PELI2: variants seen among roughly 807,000 people sequenced by gnomAD.
PELI2 encodes pellino E3 ubiquitin protein ligase family member 2.
In PELI2, 23 loss-of-function variants were observed where a neutral mutation model predicts 42.3. The observed-to-expected ratio is 0.54, with a 90% CI of 0.39 to 0.77. The LOEUF (loss-of-function observed/expected upper bound fraction) is 0.77, where lower values mean the gene tolerates loss of function less well. Among genes scored for constraint, PELI2 ranks in the 30% least tolerant of loss-of-function variants. PELI2 has a pLI of 0.00. For synonymous variants in PELI2, 245 were observed against 212.2 expected (o/e 1.15, Z -1.34); for missense variants, 463 against 553.2 (o/e 0.84, Z 1.64).
intron 2 of PELI2, among the ~76,000 whole-genome samples, chr14:56,181,241 A>G (rs1032386465): frequency 3.3e-4 from 50 of 151,636 alleles, no homozygotes; most frequent in African/African-American, 1.0e-3. Flanking sequence ...TGGCCTCTCC[A>G]GGTATATCTT....
intron 2 of PELI2, among the ~76,000 whole-genome samples, chr14:56,228,331 T>G (rs1001148757): frequency 6.6e-6 from 1 of 152,318 alleles, no homozygotes; most frequent in South Asian, 2.1e-4. Flanking sequence ...GGAACCTATA[T>G]GTAGATCCAT....
chr14:56,123,984 G>C (rs1396105479), intron 1 of PELI2, among the ~76,000 whole-genome samples: 1 of 152,018 alleles, frequency 6.6e-6, no homozygotes, highest in African/African-American at 2.4e-5. Context: ...CATTGGTATG[G>C]GAGAAAAATA....
intron 2 of PELI2, among the ~76,000 whole-genome samples, chr14:56,207,080 A>G (rs1886544106): frequency 6.6e-6 from 1 of 152,204 alleles, no homozygotes; most frequent in Non-Finnish European, 1.5e-5. Flanking sequence ...ACCACCCCAG[A>G]GCAGAGTGAA....
chr14:56,232,850 T>C (rs1887638271), intron 2 of PELI2, among the ~76,000 whole-genome samples: 4 of 151,590 alleles, frequency 2.6e-5, no homozygotes, highest in Non-Finnish European at 5.9e-5. Flanking sequence ...GATTGTCTAT[T>C]TAGAAAACCC....
chr14:56,250,992 A>T (rs926497449), intron 2 of PELI2, among the ~76,000 whole-genome samples: 13 of 151,156 alleles, frequency 8.6e-5, no homozygotes, highest in African/African-American at 3.2e-4. Flanking sequence ...CCTCAGCCTG[A>T]CCCCCTGGGG....
intron 5 of PELI2, among the ~76,000 whole-genome samples, chr14:56,295,371 G>A (rs575021301): frequency 6.6e-6 from 1 of 151,958 alleles, no homozygotes; most frequent in African/African-American, 2.4e-5. Context: ...GCCCTGAACT[G>A]CGTCCATCCT....
chr14:56,267,133 C>G lies in PELI2; in HGVS notation c.208-12543C>G, dbSNP rs149078509. Among the ~76,000 whole-genome samples, 179 of 152,162 alleles carry G rather than the reference C, an allele frequency of 1.2e-3. 2 individuals carry two copies. Among genetic ancestry groups the G allele is most frequent in the African/African-American group, 4.0e-3 (168 of 41,550 alleles). On this transcript the variant is annotated intron_variant, in intron 2 of 5. Coordinates refer to ENST00000267460, the MANE Select transcript of PELI2 (RefSeq NM_021255.3). ...CTGGTAACATTTAGTAACTTGTGTA[C>G]ATATTACCTTATTTAAAATATCTTT... is the stretch of plus-strand genomic sequence containing the variant.
intron 2 of PELI2, among the ~76,000 whole-genome samples, chr14:56,261,303 A>G (rs1044263314): frequency 2.0e-5 from 3 of 152,276 alleles, no homozygotes; most frequent in Non-Finnish European, 4.4e-5. Context: ...CCCAGCTGAC[A>G]GTTTTGCTTA....
chr14:56,232,319 T>C (rs1397643483), intron 2 of PELI2, among the ~76,000 whole-genome samples: 1 of 152,094 alleles, frequency 6.6e-6, no homozygotes, highest in Non-Finnish European at 1.5e-5. Flanking sequence ...AAGAGAATTT[T>C]AGACCAATAT....
At chr14:56,229,432 G>T (rs766603996) in intron 2 of PELI2, among the ~76,000 whole-genome samples, 36 of 152,192 alleles carry the variant, frequency 2.4e-4, no homozygotes, top group Non-Finnish European at 2.1e-4. Context: ...TTGTTGTTCT[G>T]CAATATTTGC....
chr14:56,140,290 C>T (rs377611290), intron 1 of PELI2, among the ~76,000 whole-genome samples: 17 of 152,258 alleles, frequency 1.1e-4, no homozygotes, highest in Admixed American at 7.8e-4. Flanking sequence ...TCCTTCTACC[C>T]CATTGTACTT....
chr14:56,254,204 T>C lies in PELI2; in HGVS notation c.208-25472T>C, dbSNP rs534605967. 4.6e-5 allele frequency among the ~76,000 whole-genome samples: 7 copies of C among 152,128 alleles called. No individual in the cohort carries two copies. The East Asian group carries it at 9.7e-4, about 21-fold the overall frequency. ...TCACGAGGTCAAGAGATCAAGACCA[T>C]CCTGGCCAACATGGTGAAACCCCGT... On this transcript the variant is annotated intron_variant, in intron 2 of 5. Coordinates refer to ENST00000267460, the MANE Select transcript of PELI2 (RefSeq NM_021255.3).
chr14:56,150,700 G>A (rs1055020798), intron 1 of PELI2, among the ~76,000 whole-genome samples: 4 of 152,192 alleles, frequency 2.6e-5, no homozygotes, highest in Admixed American at 1.3e-4. Context: ...ATTTGCATTG[G>A]TTGAGAAGGC....
chr14:56,294,039 C>T (rs542465704), intron 5 of PELI2, among the ~76,000 whole-genome samples: 20 of 152,208 alleles, frequency 1.3e-4, no homozygotes, highest in South Asian at 8.3e-4. Context: ...ATGGGATGCT[C>T]GGTATGGTGG....
chr14:56,232,181 C>T (rs1425982685), intron 2 of PELI2, among the ~76,000 whole-genome samples: 2 of 152,076 alleles, frequency 1.3e-5, no homozygotes, highest in Non-Finnish European at 2.9e-5. Context: ...ACCAGAGGTA[C>T]AAAGAGGAGC....
chr14:56,149,703 T>C (rs1460845572), intron 1 of PELI2, among the ~76,000 whole-genome samples: 2 of 152,198 alleles, frequency 1.3e-5, no homozygotes, highest in African/African-American at 2.4e-5. Context: ...CCTCAGTTCA[T>C]TTCCAGATTA....
chr14:56,280,021 G>T (rs555148778), intron 3 of PELI2, among the ~76,000 whole-genome samples: 18 of 152,174 alleles, frequency 1.2e-4, no homozygotes, highest in African/African-American at 4.3e-4. Context: ...AATTAAGCAA[G>T]AATAAAAATT....
rs1176114949 is a variant in PELI2 at position 56,192,061 on chromosome 14, G to T, written c.207+13597G>T. Among the ~76,000 whole-genome samples, 4 of 152,294 alleles carry T rather than the reference G, an allele frequency of 2.6e-5. No individual in the cohort carries two copies. In the South Asian group the frequency reaches 6.2e-4, roughly 24 times the overall value. On this transcript the variant is annotated intron_variant, in intron 2 of 5. Transcript: ENST00000267460. ...GTAGAGACCGGGTTTCGCCATGTTG[G>T]CCAGGCTGGTCTTGAACTGCTGACC...
chr14:56,285,357 C>T (rs1316496172), intron 3 of PELI2, among the ~76,000 whole-genome samples: 1 of 152,134 alleles, frequency 6.6e-6, no homozygotes. Flanking sequence ...GTCAGTCAGT[C>T]ATTGATATAG....
Sources: allele counts gnomAD v4.1 joint callset (sites outside exome capture counted in the v4.1 genomes callset), GRCh38; gene constraint gnomAD v4.1.1; transcripts MANE v1.5; gene names NCBI Gene and HGNC (gene_info 2026-07-23, HGNC 2026-07-21).